Variants in IL36RN observed in about 807,000 individuals in gnomAD.
The protein encoded by IL36RN is interleukin-36 receptor antagonist protein.
Under a neutral mutation model 13.0 loss-of-function variants are expected in IL36RN, and 11 were observed. That is an observed-to-expected ratio of 0.85 (90% CI 0.53 to 1.40). The LOEUF is 1.40. Among genes scored for constraint, IL36RN ranks in the 40% most tolerant of loss-of-function variants. The pLI, the probability that IL36RN is intolerant of heterozygous loss-of-function variation, is 0.00. For synonymous variants in IL36RN, 94 were observed against 84.1 expected (o/e 1.12, Z -0.64); for missense variants, 195 against 195.3 (o/e 1.00, Z 0.01).
Position 113,062,672 on chromosome 2 carries a change from G to C in IL36RN, c.463G>C (p.Asp155His). The change falls in exon 5 of 5, where the codon GAC (aspartate) becomes CAC (histidine). Residue 155 changes from aspartate to histidine, a missense_variant. Transcript: ENST00000393200. ...PITDFYFQQC[D>H] ...CACAGACTTCTACTTCCAGCAGTGT[G>C]ACTAGGGCAACGTGCCCCCCAGAAC... is the stretch of plus-strand genomic sequence containing the variant. The C allele has an allele frequency of 1.2e-6, 2 of 1,610,374 alleles. No individual in the cohort carries two copies. The highest frequency in any genetic ancestry group is 1.7e-6 in the Non-Finnish European group (2 of 1,179,954).
At chr2:113,061,897 C>T (rs1025884684) in intron 3 of IL36RN, among the ~76,000 whole-genome samples, 9 of 152,040 alleles carry the variant, frequency 5.9e-5, no homozygotes, top group African/African-American at 2.2e-4. Context: ...AAGATTTGAC[C>T]CTGAACTAGA....
In IL36RN at chr2:113,062,571, T is replaced by C; in HGVS notation, c.362T>C (p.Leu121Pro). Residue 121 changes from leucine to proline, a missense_variant, in exon 5 of 5, where the codon CTG becomes CCG. Leu to Pro is a moderately conservative substitution (Grantham distance 98). Coordinates refer to ENST00000393200, the MANE Select transcript of IL36RN (RefSeq NM_012275.3). ...FESAAYPGWF[L>P]CTVPEADQPV... ...TCGGCTGCCTACCCGGGCTGGTTCC[T>C]GTGCACGGTGCCTGAAGCCGATCAG... 1.2e-6 allele frequency: 2 copies of C among 1,613,976 alleles called. No homozygotes were observed. The highest frequency in any genetic ancestry group is 1.1e-5 in the South Asian group (1 of 91,082).
rs2515403 is a variant in IL36RN, at chr2:113,063,155, T to C, written c.*478T>C. ...CTATGGCCCTTGGCCCAGCCCCACCTCCTTCCCTTTAATCCTGCCACTGTC... is the reference window on the plus strand; with the variant it reads ...CTATGGCCCTTGGCCCAGCCCCACCCCCTTCCCTTTAATCCTGCCACTGTC... On this transcript the variant is annotated 3_prime_UTR_variant, in exon 5 of 5. Coordinates refer to ENST00000393200, the MANE Select transcript of IL36RN (RefSeq NM_012275.3). 151,300 of 232,474 alleles carry C rather than the reference T, an allele frequency of 0.65. 50,118 individuals are homozygous for C. The highest frequency in any genetic ancestry group is 0.81 in the South Asian group (12,556 of 15,576). 14.4% of individuals were successfully genotyped at this position (232,474 alleles called of 1,614,324 possible). A position where few individuals can be genotyped will look rare whatever the true frequency, so the allele number is the denominator to read the frequency against.
At chr2:113,059,363 C>T in intron 1 of IL36RN, 49 bp from the exon 2 acceptor site, 1 of 1,540,416 alleles carries the variant, frequency 6.5e-7, no homozygotes, top group African/African-American at 1.4e-5. Flanking sequence ...CAGACCCCAG[C>T]CAACTCAGCC....
intron 4 of IL36RN, 60 bp from the exon 5 acceptor site, chr2:113,062,393 C>T: frequency 1.1e-5 from 17 of 1,605,032 alleles, no homozygotes; most frequent in Non-Finnish European, 1.4e-5. Context: ...AAGGATCCTG[C>T]CCAGCCCTCC....
chr2:113,062,462 A>C lies in IL36RN; in HGVS notation c.253A>C (p.Ile85Leu). ...CCTCCTCTGCCGGCAGCCAGTGAAC[A>C]TCATGGAGCTCTATCTTGGTGCCAA... ...EPTLTLEPVN[I>L]MELYLGAKES... The change falls in exon 5 of 5, where the codon ATC (isoleucine) becomes CTC (leucine). Residue 85 changes from isoleucine to leucine, a missense_variant. Coordinates refer to ENST00000393200, the MANE Select transcript of IL36RN (RefSeq NM_012275.3). The C allele has an allele frequency of 6.2e-7, 1 of 1,613,982 alleles. No homozygotes were observed. The highest frequency in any genetic ancestry group is 8.5e-7 in the Non-Finnish European group (1 of 1,179,982).
Position 113,064,011 on chromosome 2 carries a change from T to C in IL36RN, c.*1334T>C, listed in dbSNP as rs1685695004. On this transcript the variant is annotated 3_prime_UTR_variant, in exon 5 of 5. Transcript: ENST00000393200. Reference sequence around the variant, plus strand: ...AAGACAAGGTCATGCTGGATGAAGGTAGACCTAAATTCAATATGACTGGTT... The same window carrying C: ...AAGACAAGGTCATGCTGGATGAAGGCAGACCTAAATTCAATATGACTGGTT... 6.6e-6 allele frequency: 1 copy of C among 152,144 alleles called. No individual in the cohort carries two copies. The highest frequency in any genetic ancestry group is 6.5e-5 in the Admixed American group (1 of 15,282). 9.4% of individuals were successfully genotyped at this position (152,144 alleles called of 1,614,324 possible).
In IL36RN at chr2:113,060,817, C is replaced by G. The variant is rs770642333; in HGVS notation, c.30-35C>G. On this transcript the variant is annotated intron_variant, in intron 2 of 4. Coordinates refer to ENST00000393200, the MANE Select transcript of IL36RN (RefSeq NM_012275.3). ...GGCATGCTGGAGTGTCCACCCTCCTCCTAATGTAGTCCTCACCCCTTCCTG... is the reference window on the plus strand; with the variant it reads ...GGCATGCTGGAGTGTCCACCCTCCTGCTAATGTAGTCCTCACCCCTTCCTG... 8.1e-5 allele frequency: 122 copies of G among 1,504,262 alleles called. 4 individuals carry two copies. In the South Asian group the frequency reaches 1.4e-3, roughly 17 times the overall value. 93.2% of individuals were successfully genotyped at this position (1,504,262 alleles called of 1,614,324 possible). A position where few individuals can be genotyped will look rare whatever the true frequency, so the allele number is the denominator to read the frequency against.
chr2:113,062,559 C>A lies in IL36RN; in HGVS notation c.350C>A (p.Pro117Gln). 3 of 1,614,024 alleles carry A rather than the reference C, an allele frequency of 1.9e-6. No homozygotes were observed. In the South Asian group the frequency reaches 3.3e-5, roughly 18 times the overall value. Reference protein sequence around the residue: ...LTSSFESAAYPGWFLCTVPEA... With the variant: ...LTSSFESAAYQGWFLCTVPEA... ...TCCAGCTTCGAGTCGGCTGCCTACC[C>A]GGGCTGGTTCCTGTGCACGGTGCCT... The change falls in exon 5 of 5, where the codon CCG becomes CAG. Residue 117 changes from proline (P) to glutamine (Q), a missense_variant. Transcript: ENST00000393200.
Position 113,062,252 on chromosome 2 carries a change from G to A in IL36RN, c.243+1G>A, listed in dbSNP as rs761173903. ...GCAGGAGCCGACTCTAACACTAGAG[G>A]TGAGACTTGGGGCATCCTCACTGGG... On this transcript the variant is annotated splice_donor_variant, in intron 4 of 4. Coordinates refer to ENST00000393200, the MANE Select transcript of IL36RN (RefSeq NM_012275.3). LOFTEE classifies it high-confidence loss of function. The A allele has an allele frequency of 6.2e-7, 1 of 1,614,076 alleles. No individual in the cohort carries two copies. Among genetic ancestry groups the A allele is most frequent in the South Asian group, 1.1e-5 (1 of 91,086 alleles).
At chr2:113,060,665 G>A (rs1558842822) in intron 2 of IL36RN, among the ~76,000 whole-genome samples, 187 bp from the exon 3 acceptor site, 2 of 152,248 alleles carry the variant, frequency 1.3e-5, no homozygotes, top group East Asian at 3.9e-4. Flanking sequence ...GTGGGAGACT[G>A]TGGGGTCATC....
chr2:113,059,652 G>A (rs1460399473), intron 2 of IL36RN, among the ~76,000 whole-genome samples, 185 bp downstream of exon 2: 1 of 152,102 alleles, frequency 6.6e-6, no homozygotes, highest in African/African-American at 2.4e-5. Context: ...CAGGACTGGG[G>A]CAGGCCATCT....
upstream of IL36RN, chr2:113,059,032 G>A: frequency 3.9e-6 from 1 of 257,082 alleles, no homozygotes; most frequent in South Asian, 5.4e-5. Context: ...GAAGGAAACT[G>A]TCTCCAGAAG....
At chr2:113,059,611 T>TA in intron 2 of IL36RN, 144 bp downstream of exon 2, 1 of 903,230 alleles carries the variant, frequency 1.1e-6, no homozygotes, top group South Asian at 1.4e-5. Context: ...TCACTGCTCT[T>TA]AGAGTTTTCC....
intron 3 of IL36RN, 39 bp downstream of exon 3, chr2:113,060,976 T>C: frequency 1.3e-6 from 2 of 1,486,998 alleles, no homozygotes; most frequent in Admixed American, 1.7e-5. Context: ...TTGGTCTCTA[T>C]ACACTCTCAG....
In IL36RN at chr2:113,059,222, G is replaced by A. The variant is rs886054765; in HGVS notation, c.-47G>A. The stretch of plus-strand genomic sequence containing the variant: ...CAGGCAGACTCCACAGCTCCCGCCA[G>A]GAGAAAGGAACATTCTGAGGTATGC... On this transcript the variant is annotated 5_prime_UTR_variant, in exon 1 of 5. Transcript: ENST00000393200. 4 of 625,576 alleles carry A rather than the reference G, an allele frequency of 6.4e-6. No individual in the cohort carries two copies. Among genetic ancestry groups the A allele is most frequent in the African/African-American group, 5.4e-5 (3 of 55,120 alleles). The allele number at this position is 625,576 out of a possible 1,614,324, so 38.8% of individuals were successfully genotyped here.
chr2:113,060,702 G>A, intron 2 of IL36RN, 150 bp from the exon 3 acceptor site: 1 of 704,578 alleles, frequency 1.4e-6, no homozygotes, highest in Non-Finnish European at 2.6e-6. Context: ...AGCCCAGCAG[G>A]GCTGGGAGAC....
intron 3 of IL36RN, among the ~76,000 whole-genome samples, chr2:113,061,198 A>G (rs1045784272): frequency 6.6e-6 from 1 of 152,232 alleles, no homozygotes; most frequent in Non-Finnish European, 1.5e-5. Flanking sequence ...TCATTCCCTT[A>G]CAGGTAGATT....
Position 113,063,468 on chromosome 2 carries a change from A to G in IL36RN, c.*791A>G, listed in dbSNP as rs1341385614. The G allele has an allele frequency of 4.6e-5, 7 of 152,202 alleles. No individual in the cohort carries two copies. The highest frequency in any genetic ancestry group is 4.6e-4 in the Admixed American group (7 of 15,280). 9.4% of individuals were successfully genotyped at this position (152,202 alleles called of 1,614,324 possible). A position where few individuals can be genotyped will look rare whatever the true frequency, so the allele number is the denominator to read the frequency against. On this transcript the variant is annotated 3_prime_UTR_variant, in exon 5 of 5. Coordinates refer to ENST00000393200, the MANE Select transcript of IL36RN (RefSeq NM_012275.3). ...TTCTTTATAGAAAAAAGTCTGGAAG[A>G]GTTTACTTCAATTGTAGCAATGTCA...
Sources: gnomAD v4.1 joint callset for allele counts (sites outside exome capture counted in the v4.1 genomes callset) on GRCh38, gnomAD v4.1.1 for gene constraint, MANE v1.5 for transcripts, NCBI Gene and HGNC (gene_info 2026-07-23, HGNC 2026-07-21) for gene names.